Variants in CACNA2D3 observed in about 807,000 individuals in gnomAD.
CACNA2D3 encodes calcium voltage-gated channel auxiliary subunit alpha2delta 3.
Under a neutral mutation model 160.6 loss-of-function variants are expected in CACNA2D3, and 60 were observed. That is an observed-to-expected ratio of 0.37 (90% CI 0.30 to 0.46). The LOEUF (loss-of-function observed/expected upper bound fraction) is 0.46. CACNA2D3 is among the 20% of genes least tolerant of loss of function. CACNA2D3 has a pLI of 1.00. For missense variants in CACNA2D3, 1,205 were observed against 1,365.0 expected, an observed-to-expected ratio of 0.88 and a Z score of 1.85; for synonymous variants, 558 against 492.9, an observed-to-expected ratio of 1.13 and a Z score of -1.75.
chr3:54,167,723 A>C (rs529615511), intron 2 of CACNA2D3, among the ~76,000 whole-genome samples: 1 of 152,304 alleles, frequency 6.6e-6, no homozygotes, highest in East Asian at 1.9e-4. Flanking sequence ...TGCTTGGTGG[A>C]ATAGTGAGGT....
chr3:54,916,741 A>G (rs1157471714), intron 27 of CACNA2D3, among the ~76,000 whole-genome samples: 3 of 152,186 alleles, frequency 2.0e-5, no homozygotes, highest in East Asian at 3.9e-4. Context: ...TATCCCATAC[A>G]CATGTGAACC....
chr3:54,910,408 A>G (rs1320062783), intron 27 of CACNA2D3, among the ~76,000 whole-genome samples: 1 of 152,150 alleles, frequency 6.6e-6, no homozygotes, highest in Non-Finnish European at 1.5e-5. Flanking sequence ...CCACTCCACA[A>G]TGAAATATTC....
chr3:54,974,953 G>C (rs1702352090), intron 29 of CACNA2D3, among the ~76,000 whole-genome samples: 1 of 152,166 alleles, frequency 6.6e-6, no homozygotes, highest in Non-Finnish European at 1.5e-5. Flanking sequence ...TATTGGACAG[G>C]CCATATGGAG....
chr3:54,234,926 G>A (rs1478215524), intron 2 of CACNA2D3, among the ~76,000 whole-genome samples: 1 of 151,974 alleles, frequency 6.6e-6, no homozygotes, highest in Non-Finnish European at 1.5e-5. Context: ...TTCATACCTG[G>A]GTGATGAAAT....
chr3:55,045,609 G>C (rs991079595), intron 35 of CACNA2D3, among the ~76,000 whole-genome samples: 3 of 152,154 alleles, frequency 2.0e-5, no homozygotes, highest in Non-Finnish European at 4.4e-5. Flanking sequence ...TATTTCTTGA[G>C]TGAGCTTTGG....
At chr3:54,207,906 C>T (rs1287643501) in intron 2 of CACNA2D3, among the ~76,000 whole-genome samples, 6 of 152,322 alleles carry the variant, frequency 3.9e-5, no homozygotes, top group African/African-American at 1.4e-4. Flanking sequence ...GAAAAGTGAT[C>T]TACAGCCCAG....
intron 31 of CACNA2D3, among the ~76,000 whole-genome samples, chr3:54,991,276 G>A (rs1354927757): frequency 3.3e-5 from 5 of 150,560 alleles, no homozygotes; most frequent in Non-Finnish European, 7.4e-5. Context: ...AGGCTGGAGT[G>A]CAGTGGTACA....
intron 16 of CACNA2D3, among the ~76,000 whole-genome samples, chr3:54,842,708 C>T (rs1223563854): frequency 1.3e-5 from 2 of 151,162 alleles, no homozygotes; most frequent in Non-Finnish European, 2.9e-5. Flanking sequence ...TCAAGCAATT[C>T]TCCTGCCTCA....
intron 27 of CACNA2D3, chr3:54,918,999 T>G (rs1331476110): frequency 3.5e-6 from 3 of 868,650 alleles, no homozygotes; most frequent in African/African-American, 3.4e-5. Flanking sequence ...AAGTACCTTT[T>G]TTTTTTTTAA....
intron 4 of CACNA2D3, among the ~76,000 whole-genome samples, chr3:54,483,823 A>G (rs1438169809): frequency 1.3e-5 from 2 of 152,202 alleles, no homozygotes; most frequent in African/African-American, 4.8e-5. Flanking sequence ...TAATAGGTCA[A>G]CTCATTCAAA....
At chr3:55,049,081 G>GT (rs1335944618) in intron 35 of CACNA2D3, among the ~76,000 whole-genome samples, 16 of 151,710 alleles carry the variant, frequency 1.1e-4, no homozygotes, top group African/African-American at 2.2e-4. Flanking sequence ...TTTTTGAAGG[G>GT]TTTTTTGTGT....
chr3:54,280,068 GTTTA>G (rs71617794), intron 2 of CACNA2D3, among the ~76,000 whole-genome samples: 1,684 of 135,436 alleles, frequency 0.012, 6 homozygotes, highest in Non-Finnish European at 0.015. Flanking sequence ...TTGTTTGTTT[GTTTA>G]TTTATTTATT....
chr3:54,464,143 G>T, intron 4 of CACNA2D3, among the ~76,000 whole-genome samples: 1 of 152,160 alleles, frequency 6.6e-6, no homozygotes, highest in Non-Finnish European at 1.5e-5. Context: ...TTTTGTCTCA[G>T]AGGAGTACCC....
chr3:54,725,691 G>T (rs916508069), intron 11 of CACNA2D3, among the ~76,000 whole-genome samples: 1 of 152,110 alleles, frequency 6.6e-6, no homozygotes, highest in African/African-American at 2.4e-5. Flanking sequence ...ATGCAGAAAA[G>T]GCCTTTGACA....
At chr3:54,427,018 C>A (rs1185993311) in intron 4 of CACNA2D3, among the ~76,000 whole-genome samples, 1 of 151,946 alleles carries the variant, frequency 6.6e-6, no homozygotes, top group African/African-American at 2.4e-5. Flanking sequence ...TTCTTTCTCC[C>A]TCCCTTCCTC....
At chr3:55,007,708 T>C in intron 32 of CACNA2D3, 82 bp from the exon 33 acceptor site, 1 of 827,100 alleles carries the variant, frequency 1.2e-6, no homozygotes. Context: ...AGAATAACAT[T>C]GTCCTTATGT....
intron 11 of CACNA2D3, among the ~76,000 whole-genome samples, chr3:54,695,169 C>G (rs1157202944): frequency 6.6e-6 from 1 of 152,076 alleles, no homozygotes; most frequent in Non-Finnish European, 1.5e-5. Flanking sequence ...AGGTGCCCAC[C>G]ACCATGCGCA....
intron 9 of CACNA2D3, among the ~76,000 whole-genome samples, chr3:54,626,928 C>A (rs529862765): frequency 6.6e-6 from 1 of 152,234 alleles, no homozygotes; most frequent in East Asian, 1.9e-4. Flanking sequence ...TCTTTAGTCC[C>A]CTTTAATCTC....
In CACNA2D3 at chr3:54,220,240, T is replaced by C. The variant is rs144620289; in HGVS notation, c.204+96646T>C. 4.7e-3 allele frequency among the ~76,000 whole-genome samples: 710 copies of C among 152,318 alleles called. 6 individuals are homozygous for C. The highest frequency in any genetic ancestry group is 0.027 in the Middle Eastern group (8 of 294). On this transcript the variant is annotated intron_variant, in intron 2 of 37. Transcript: ENST00000474759. ...TGATAGCACCAGTATTTTTCTCGCATGGATTGCAAGCGCATTTGAGACATA... is the reference window on the plus strand; with the variant it reads ...TGATAGCACCAGTATTTTTCTCGCACGGATTGCAAGCGCATTTGAGACATA...
Sources: allele counts gnomAD v4.1 joint callset (sites outside exome capture counted in the v4.1 genomes callset), GRCh38; gene constraint gnomAD v4.1.1; transcripts MANE v1.5; gene names NCBI Gene and HGNC (gene_info 2026-07-23, HGNC 2026-07-21).